The following FANK1 variants were observed in gnomAD, a reference collection of about 807,000 sequenced individuals.
FANK1 encodes fibronectin type III and ankyrin repeat domains 1, also known as fibronectin type 3 and ankyrin repeat domains protein 1.
In FANK1, 44 loss-of-function variants were observed where a neutral mutation model predicts 45.3. The ratio of observed to expected loss-of-function variants is 0.97; its 90% CI spans 0.76 to 1.25. The LOEUF (loss-of-function observed/expected upper bound fraction) is 1.25, where lower values mean the gene tolerates loss of function less well. Among genes scored for constraint, FANK1 ranks in the 50% most tolerant of loss-of-function variants. The pLI is 0.00. For synonymous variants in FANK1, 149 were observed against 152.5 expected (o/e 0.98, Z 0.17); for missense variants, 391 against 424.4 (o/e 0.92, Z 0.69).
At position 125,980,236 on chromosome 10, in the gene FANK1, A is replaced by G; in HGVS notation, c.89A>G (p.Asp30Gly). The part of the protein sequence containing the change: ...VTHHSIELYW[D>G]LEKKAKRQGP... ...CATCACAGCATTGAATTATACTGGGATCTGGAAAAGAAAGCCAAACGCCAA... is the reference window on the plus strand; with the variant it reads ...CATCACAGCATTGAATTATACTGGGGTCTGGAAAAGAAAGCCAAACGCCAA... The change falls in exon 2 of 11, where the codon GAT (aspartate) becomes GGT (glycine). Residue 30 changes from aspartate to glycine, a missense_variant. Asp to Gly is a moderately conservative substitution (Grantham distance 94). Transcript: ENST00000368693. 1 of 1,614,104 alleles carries G rather than the reference A, an allele frequency of 6.2e-7. No homozygotes were observed. The highest frequency in any genetic ancestry group is 8.5e-7 in the Non-Finnish European group (1 of 1,180,030).
At chr10:125,997,615 C>T (rs981342307) in intron 6 of FANK1, 130 bp downstream of exon 6, 7 of 772,840 alleles carry the variant, frequency 9.1e-6, no homozygotes, top group African/African-American at 3.5e-5. Flanking sequence ...GTGAGTGGGT[C>T]GCTGAGGAAA....
At chr10:125,947,996 A>G (rs549703672) in intron 1 of FANK1, among the ~76,000 whole-genome samples, 2 of 150,584 alleles carry the variant, frequency 1.3e-5, no homozygotes, top group East Asian at 1.9e-4. Flanking sequence ...AAACTGAACA[A>G]CCTGCTCCTG....
At chr10:125,981,817 CACTTTCCTGGCCTTTTCTCAA>C (rs1951239285) in intron 2 of FANK1, among the ~76,000 whole-genome samples, 1 of 152,200 alleles carries the variant, frequency 6.6e-6, no homozygotes, top group African/African-American at 2.4e-5. Flanking sequence ...ACAGGTTCAT[CACTTTCCTGGCCTTTTCTCAA>C]GTTTGCATTG....
chr10:125,976,814 G>T (rs1395250071), intron 1 of FANK1, among the ~76,000 whole-genome samples: 1 of 152,024 alleles, frequency 6.6e-6, no homozygotes, highest in African/African-American at 2.4e-5. Context: ...GTAGAGACGG[G>T]GTTTCACCAT....
chr10:125,956,217 G>C (rs111308055), intron 1 of FANK1, among the ~76,000 whole-genome samples: 2,807 of 134,692 alleles, frequency 0.021, 112 homozygotes, highest in African/African-American at 0.075. Context: ...GGGGGGCGGT[G>C]GTGGGGGTAA....
At chr10:125,982,606 G>A (rs7085895) in intron 2 of FANK1, among the ~76,000 whole-genome samples, 105,620 of 152,152 alleles carry the variant, frequency 0.69, 37,052 homozygotes, top group East Asian at 0.76. Flanking sequence ...GTAAAAAGTG[G>A]TTATCTAGAA....
At chr10:126,006,273 G>A (rs1953191847) in intron 7 of FANK1, among the ~76,000 whole-genome samples, 1 of 152,172 alleles carries the variant, frequency 6.6e-6, no homozygotes, top group Non-Finnish European at 1.5e-5. Context: ...CTGCAGTTAT[G>A]GGATCTATCT....
In FANK1 at chr10:126,004,964, A is replaced by G. The variant is rs1309897520; in HGVS notation, c.620A>G (p.Asp207Gly). ...RRHGASWQAR[D>G]LGGCTALHWA... The stretch of plus-strand genomic sequence containing the variant: ...CATGGCGCTTCTTGGCAGGCTAGAG[A>G]CCTGGGAGGCTGTACAGCTCTGCAC... Residue 207 changes from aspartate (D) to glycine (G), a missense_variant, in exon 7 of 11, where the codon GAC (aspartate) becomes GGC (glycine). Physicochemically the swap from Asp to Gly is moderately conservative, Grantham distance 94. Transcript: ENST00000368693. 3.1e-6 allele frequency: 5 copies of G among 1,614,012 alleles called. No homozygotes were observed. The highest frequency in any genetic ancestry group is 4.2e-6 in the Non-Finnish European group (5 of 1,180,040).
At chr10:125,900,417 T>C (rs1378406828) in intron 1 of FANK1, among the ~76,000 whole-genome samples, 1 of 152,000 alleles carries the variant, frequency 6.6e-6, no homozygotes, top group Non-Finnish European at 1.5e-5. Flanking sequence ...AATTTCTTAA[T>C]GAGTTTTAAT....
intron 1 of FANK1, among the ~76,000 whole-genome samples, chr10:125,898,897 GTTT>G (rs201482232): frequency 1.6e-5 from 2 of 128,872 alleles, no homozygotes; most frequent in Admixed American, 7.9e-5. Flanking sequence ...AAGTTTTGTT[GTTT>G]TTTTTTTTTT....
chr10:125,907,665 C>T (rs576231312), intron 1 of FANK1, among the ~76,000 whole-genome samples: 2 of 151,928 alleles, frequency 1.3e-5, no homozygotes, highest in South Asian at 4.2e-4. Flanking sequence ...GAGAGACATA[C>T]ATTAGGATAT....
chr10:125,939,907 A>T (rs1283339698), intron 1 of FANK1, among the ~76,000 whole-genome samples: 4 of 151,492 alleles, frequency 2.6e-5, no homozygotes, highest in Non-Finnish European at 4.4e-5. Flanking sequence ...AAAATAAATA[A>T]TTTCTACTGT....
Position 126,005,061 on chromosome 10 carries a change from G to C in FANK1, c.705+12G>C. The C allele has an allele frequency of 6.2e-7, 1 of 1,609,368 alleles. No individual in the cohort carries two copies. The highest frequency in any genetic ancestry group is 8.5e-7 in the Non-Finnish European group (1 of 1,176,948). The stretch of plus-strand genomic sequence containing the variant: ...AGGATGGCTGTGAGGTACGGGACCT[G>C]CCTTGTTAACCACGCACATATCGTT... On this transcript the variant is annotated intron_variant, in intron 7 of 10. Transcript: ENST00000368693.
chr10:125,959,606 T>TA (rs1037318377), intron 1 of FANK1, among the ~76,000 whole-genome samples: 6 of 152,118 alleles, frequency 3.9e-5, no homozygotes, highest in Non-Finnish European at 1.5e-5. Context: ...TGTTAAGTGT[T>TA]AAAAAATGAA....
intron 1 of FANK1, among the ~76,000 whole-genome samples, chr10:125,901,188 C>G (rs1945006408): frequency 6.6e-6 from 1 of 152,176 alleles, no homozygotes; most frequent in South Asian, 2.1e-4. Context: ...AGACTTCTCT[C>G]TCCAAACCTG....
At chr10:125,903,167 T>C (rs61873365) in intron 1 of FANK1, among the ~76,000 whole-genome samples, 372 of 124,446 alleles carry the variant, frequency 3.0e-3, no homozygotes, top group East Asian at 0.02. Flanking sequence ...CTTTACTTCT[T>C]GATGGGAGAA....
intron 7 of FANK1, among the ~76,000 whole-genome samples, chr10:126,006,412 A>C (rs972986851): frequency 3.3e-5 from 5 of 152,254 alleles, no homozygotes; most frequent in Non-Finnish European, 7.3e-5. Flanking sequence ...CAGAAGGCTG[A>C]GTCAGTGGGC....
At chr10:125,984,305 G>C (rs978703536) in intron 2 of FANK1, among the ~76,000 whole-genome samples, 10 of 152,236 alleles carry the variant, frequency 6.6e-5, no homozygotes, top group Non-Finnish European at 1.3e-4. Flanking sequence ...ATGGCATGCT[G>C]TTTCTTGAAG....
intron 2 of FANK1, among the ~76,000 whole-genome samples, chr10:125,985,986 A>G (rs781693241): frequency 3.6e-4 from 55 of 152,198 alleles, no homozygotes; most frequent in Middle Eastern, 3.4e-3. Context: ...ACTTCTGGGC[A>G]TCTTAAGGCC....
Sources: allele counts gnomAD v4.1 joint callset (sites outside exome capture counted in the v4.1 genomes callset), GRCh38; gene constraint gnomAD v4.1.1; transcripts MANE v1.5; gene names NCBI Gene and HGNC (gene_info 2026-07-23, HGNC 2026-07-21).